RPL39L: variants seen among roughly 807,000 people sequenced by gnomAD.
RPL39L encodes the protein ribosomal protein L39 like.
For missense variants in RPL39L, 48 were observed against 58.9 expected (o/e 0.81, Z 0.61); for synonymous variants, 16 against 20.1 (o/e 0.80, Z 0.55).
intron 1 of RPL39L, among the ~76,000 whole-genome samples, chr3:187,134,201 T>G (rs754709068): frequency 1.3e-5 from 2 of 151,718 alleles, no homozygotes; most frequent in African/African-American, 2.4e-5. Context: ...AGAAAAAAAA[T>G]GTTTACATTA....
rs758536866 is a variant in RPL39L, at chr3:187,121,086, G to A, written c.*59C>T. 9.8e-5 allele frequency: 155 copies of A among 1,577,764 alleles called. No homozygotes were observed. Among genetic ancestry groups the A allele is most frequent in the Admixed American group, 2.5e-4 (15 of 59,546 alleles). ...GTGGTGACATTTTCAGCTTGATATC[G>A]TAAGATGATCGTGAACTTGATACAG... is the stretch of plus-strand genomic sequence containing the variant. On this transcript the variant is annotated 3_prime_UTR_variant, in exon 3 of 3. Transcript: ENST00000296277.
intron 1 of RPL39L, among the ~76,000 whole-genome samples, chr3:187,134,746 TA>T (rs995358968): frequency 5.3e-5 from 8 of 152,182 alleles, no homozygotes; most frequent in African/African-American, 1.9e-4. Context: ...AAAAATCTTG[TA>T]ACAAAACTAC....
intron 1 of RPL39L, among the ~76,000 whole-genome samples, chr3:187,137,446 G>A (rs1720599707): frequency 6.6e-6 from 1 of 152,084 alleles, no homozygotes; most frequent in Non-Finnish European, 1.5e-5. Flanking sequence ...GGAGGCGGAG[G>A]CTGCAGTGAG....
At chr3:187,121,591 C>T (rs1720310743) in intron 2 of RPL39L, among the ~76,000 whole-genome samples, 2 of 152,142 alleles carry the variant, frequency 1.3e-5, no homozygotes, top group African/African-American at 2.4e-5. Flanking sequence ...ACTCATTTCT[C>T]AGCAACATAC....
chr3:187,131,622 G>A (rs1720486399), intron 1 of RPL39L, among the ~76,000 whole-genome samples: 1 of 151,784 alleles, frequency 6.6e-6, no homozygotes, highest in Non-Finnish European at 1.5e-5. Context: ...ACCACTAGCT[G>A]TTAGTGTGAC....
At chr3:187,135,839 G>C (rs1035041940) in intron 1 of RPL39L, among the ~76,000 whole-genome samples, 19 of 152,260 alleles carry the variant, frequency 1.2e-4, no homozygotes, top group African/African-American at 4.6e-4. Context: ...ACCAGCATCT[G>C]CTAGGCATCT....
At chr3:187,124,594 G>C (rs1035769788) in intron 2 of RPL39L, among the ~76,000 whole-genome samples, 5 of 152,146 alleles carry the variant, frequency 3.3e-5, no homozygotes, top group Non-Finnish European at 5.9e-5. Flanking sequence ...GATTCTGAGA[G>C]TTCAAGGCAC....
In RPL39L at chr3:187,121,239, C is replaced by T. The variant is rs1036804831; in HGVS notation, c.62G>A (p.Arg21His). 6.2e-7 allele frequency: 1 copy of T among 1,613,876 alleles called. No individual in the cohort carries two copies. Among genetic ancestry groups the T allele is most frequent in the Non-Finnish European group, 8.5e-7 (1 of 1,179,858 alleles). ...CATCTGAATCCACTGGGGGATGGGA[C>T]GATTTTGCTTTTGTTTCTTGGCCAG... ...RFLAKKQKQN[R>H]PIPQWIQMKP... is the part of the protein sequence containing the mutation. Residue 21 changes from arginine to histidine, a missense_variant, in exon 3 of 3, where the codon CGT becomes CAT. Coordinates refer to ENST00000296277, the MANE Select transcript of RPL39L (RefSeq NM_052969.3).
At chr3:187,121,370 C>T in intron 2 of RPL39L, 42 bp from the exon 3 acceptor site, 3 of 1,546,070 alleles carry the variant, frequency 1.9e-6, no homozygotes, top group Non-Finnish European at 1.8e-6. Context: ...ACAATATTAC[C>T]ATAGGATAGG....
intron 2 of RPL39L, among the ~76,000 whole-genome samples, chr3:187,121,725 T>C (rs1253087126): frequency 1.3e-5 from 2 of 152,160 alleles, no homozygotes; most frequent in African/African-American, 4.8e-5. Flanking sequence ...AAAACTATTA[T>C]CCCATCTAGC....
chr3:187,125,194 AT>A (rs1720377394), intron 2 of RPL39L, among the ~76,000 whole-genome samples: 2 of 152,232 alleles, frequency 1.3e-5, no homozygotes, highest in Non-Finnish European at 2.9e-5. Context: ...CTGGCTCTCC[AT>A]ACCTTTTCAT....
chr3:187,125,080 T>C (rs1372755115), intron 2 of RPL39L, among the ~76,000 whole-genome samples: 3 of 152,192 alleles, frequency 2.0e-5, no homozygotes, highest in Non-Finnish European at 4.4e-5. Flanking sequence ...GAGCATGTGC[T>C]ACTAAATAAG....
intron 2 of RPL39L, among the ~76,000 whole-genome samples, chr3:187,124,091 A>G (rs1043402304): frequency 1.3e-5 from 2 of 152,174 alleles, no homozygotes; most frequent in Non-Finnish European, 2.9e-5. Context: ...GGGCAGTTTT[A>G]CCTTAAAAGG....
chr3:187,133,065 C>T (rs1300671702), intron 1 of RPL39L, among the ~76,000 whole-genome samples: 1 of 152,186 alleles, frequency 6.6e-6, no homozygotes, highest in Non-Finnish European at 1.5e-5. Flanking sequence ...CCCCTGGGAG[C>T]CTCAGACATA....
chr3:187,130,331 T>G (rs1720465365), intron 1 of RPL39L, among the ~76,000 whole-genome samples: 1 of 152,204 alleles, frequency 6.6e-6, no homozygotes, highest in Non-Finnish European at 1.5e-5. Flanking sequence ...ATCTAATAGT[T>G]TGGATATTTG....
chr3:187,131,208 T>G (rs868403804), intron 1 of RPL39L, among the ~76,000 whole-genome samples: 5 of 152,208 alleles, frequency 3.3e-5, no homozygotes, highest in African/African-American at 1.2e-4. Flanking sequence ...CCGGGCACAG[T>G]GGCTTATGCC....
At chr3:187,132,042 C>T (rs554737925) in intron 1 of RPL39L, among the ~76,000 whole-genome samples, 70 of 152,284 alleles carry the variant, frequency 4.6e-4, no homozygotes, top group Non-Finnish European at 7.9e-4. Flanking sequence ...CGTCGTCACA[C>T]CAGATACAGA....
intron 1 of RPL39L, among the ~76,000 whole-genome samples, chr3:187,134,279 T>A (rs995254067): frequency 6.6e-6 from 1 of 152,010 alleles, no homozygotes; most frequent in Non-Finnish European, 1.5e-5. Flanking sequence ...GGTATACAAC[T>A]AGGGGCAATT....
In RPL39L at chr3:187,121,055, CAGGT is replaced by C; in HGVS notation, c.*86_*89del. ...TCCCAGTAAAACATGTGCAACTGTC[CAGGT>C]AGTGGTGACATTTTCAGCTTGATAT... On this transcript the variant is annotated 3_prime_UTR_variant, in exon 3 of 3. Transcript: ENST00000296277. 1 of 1,409,974 alleles carries C rather than the reference CAGGT, an allele frequency of 7.1e-7. No homozygotes were observed. 87.3% of individuals were successfully genotyped at this position (1,409,974 alleles called of 1,614,324 possible).
Sources: allele counts gnomAD v4.1 joint callset (sites outside exome capture counted in the v4.1 genomes callset), GRCh38; gene constraint gnomAD v4.1.1; transcripts MANE v1.5; gene names NCBI Gene and HGNC (gene_info 2026-07-23, HGNC 2026-07-21).